Variants in TPR observed in about 807,000 individuals in gnomAD.
TPR encodes the protein translocated promoter region, nuclear basket protein, also known as nucleoprotein TPR.
TPR carries 51 observed loss-of-function variants against 316.1 expected under a neutral mutation model. The ratio of observed to expected loss-of-function variants is 0.16; its 90% CI spans 0.13 to 0.20. The LOEUF is 0.20. Ranked by LOEUF, TPR falls within the 10% of genes least tolerant of loss-of-function variation. TPR has a pLI of 1.00. For missense variants in TPR, 2,272 were observed against 2,754.8 expected (o/e 0.82, Z 3.92); for synonymous variants, 981 against 914.7 (o/e 1.07, Z -1.31).
intron 29 of TPR, among the ~76,000 whole-genome samples, chr1:186,340,411 C>A (rs1001148497): frequency 1.1e-4 from 16 of 151,770 alleles, no homozygotes; most frequent in African/African-American, 3.9e-4. Context: ...TTAATAAATT[C>A]AATAAATTAT....
Position 186,341,317 on chromosome 1 carries a change from T to A in TPR, c.3823A>T (p.Thr1275Ser). 6.2e-7 allele frequency: 1 copy of A among 1,614,000 alleles called. No homozygotes were observed. The change falls in exon 28 of 51, where the codon ACC becomes TCC. Residue 1275 changes from threonine (T) to serine (S), a missense_variant. By Grantham distance (58) the Thr-to-Ser change is moderately conservative. This residue lies in a region of TPR where 757 missense variants were observed against 859.8 expected (regional missense o/e 0.88). Transcript: ENST00000367478. Reference sequence around the variant, plus strand: ...TTCTCTTCTCTTAGCATTTTATTGGTCTCCATAACTACATTCATTGTTTCA... The same window carrying A: ...TTCTCTTCTCTTAGCATTTTATTGGACTCCATAACTACATTCATTGTTTCA... Reference protein sequence around the residue: ...KTETMNVVMETNKMLREEKER... With the variant: ...KTETMNVVMESNKMLREEKER...
At position 186,337,121 on chromosome 1, in the gene TPR, A is replaced by T. The variant is rs1354953510; in HGVS notation, c.4398T>A (p.His1466Gln). ...CCTGGACTGAAACATGCTGCTCCTGATGGTCTCCAGAGGACTGAGCCGATG... is the reference window on the plus strand; with the variant it reads ...CCTGGACTGAAACATGCTGCTCCTGTTGGTCTCCAGAGGACTGAGCCGATG... ...METSAQSSGD[H>Q]QEQHVSVQEM... is the part of the protein sequence containing the mutation. The change falls in exon 32 of 51, where the codon CAT (histidine) becomes CAA (glutamine). Residue 1466 changes from histidine to glutamine, a missense_variant. Transcript: ENST00000367478. 6.2e-7 allele frequency: 1 copy of T among 1,613,822 alleles called. No homozygotes were observed. Among genetic ancestry groups the T allele is most frequent in the East Asian group, 2.2e-5 (1 of 44,862 alleles).
In TPR at chr1:186,356,242, T is replaced by C. The variant is rs762951046; in HGVS notation, c.1888+44A>G. The C allele has an allele frequency of 4.8e-5, 72 of 1,509,850 alleles. 1 individual carries two copies. The highest frequency in any genetic ancestry group is 4.4e-4 in the Admixed American group (22 of 50,568). 93.5% of individuals were successfully genotyped at this position (1,509,850 alleles called of 1,614,324 possible). On this transcript the variant is annotated intron_variant, in intron 15 of 50. Coordinates refer to ENST00000367478, the MANE Select transcript of TPR (RefSeq NM_003292.3). ...ATGTTGCAAAATTAATCCCTTAATA[T>C]ACATTTCTAAATTATTCCTTAAAAT...
In TPR at chr1:186,358,747, C is replaced by G. The variant is rs557803630; in HGVS notation, c.1390-97G>C. The G allele has an allele frequency of 7.9e-6, 7 of 888,390 alleles. No homozygotes were observed. In the South Asian group the frequency reaches 9.4e-5, roughly 12 times the overall value. 55.0% of individuals were successfully genotyped at this position (888,390 alleles called of 1,614,324 possible). On this transcript the variant is annotated intron_variant, in intron 12 of 50. Coordinates refer to ENST00000367478, the MANE Select transcript of TPR (RefSeq NM_003292.3). ...ATACTCAAACACCACCAGTAATCAA[C>G]TTATACACTAAATAAAATCCTACAT...
At position 186,346,254 on chromosome 1, in the gene TPR, G is replaced by C. The variant is rs368340408; in HGVS notation, c.2977C>G (p.Arg993Gly). 6.2e-7 allele frequency: 1 copy of C among 1,611,984 alleles called. No homozygotes were observed. Among genetic ancestry groups the C allele is most frequent in the Admixed American group, 1.7e-5 (1 of 59,920 alleles). ...TGAAATTCAGCTGACTCTTTTAAACGAACTTCAATATTCTTACGCACTTCT... is the reference window on the plus strand; with the variant it reads ...TGAAATTCAGCTGACTCTTTTAAACCAACTTCAATATTCTTACGCACTTCT... ...TEEVRKNIEVRLKESAEFQTQ... is the reference protein window; with the variant it reads ...TEEVRKNIEVGLKESAEFQTQ... The change falls in exon 23 of 51, where the codon CGT (arginine) becomes GGT (glycine). Residue 993 changes from arginine (R) to glycine (G), a missense_variant. This residue lies in a region of TPR where 757 missense variants were observed against 859.8 expected (regional missense o/e 0.88). Coordinates refer to ENST00000367478, the MANE Select transcript of TPR (RefSeq NM_003292.3).
intron 27 of TPR, chr1:186,342,931 A>C (rs1178810514): frequency 6.4e-6 from 1 of 155,886 alleles, no homozygotes; most frequent in Non-Finnish European, 1.4e-5. Context: ...CACACGTATA[A>C]TCCATAACTA....
intron 43 of TPR, 129 bp from the exon 44 acceptor site, chr1:186,322,715 T>G (rs1657806363): frequency 1.1e-6 from 1 of 900,660 alleles, no homozygotes; most frequent in Non-Finnish European, 1.7e-6. Context: ...TTAGGACATT[T>G]TCCCAGGAAA....
intron 16 of TPR, 36 bp from the exon 17 acceptor site, chr1:186,355,594 T>C: frequency 1.2e-6 from 2 of 1,613,586 alleles, no homozygotes; most frequent in East Asian, 2.2e-5. Context: ...TAACACTGTG[T>C]TCTCTAAAAA....
rs779023468 is a variant in TPR, at chr1:186,356,330, C to T, written c.1844G>A (p.Arg615His). ...DSIVRQRDMYRILLSQTTGVA... is the reference protein window; with the variant it reads ...DSIVRQRDMYHILLSQTTGVA... ...TCCTGTTGTTTGTGACAATAAAATACGGTACATATCACGCTGACGAACTAT... is the reference window on the plus strand; with the variant it reads ...TCCTGTTGTTTGTGACAATAAAATATGGTACATATCACGCTGACGAACTAT... Residue 615 changes from arginine to histidine, a missense_variant, in exon 15 of 51, where the codon CGT becomes CAT. Arg to His is a conservative substitution (Grantham distance 29, BLOSUM62 0). Around this residue, in one of 10 missense-constraint regions of TPR, gnomAD observed 757 missense variants for 859.8 expected, o/e 0.88. Transcript: ENST00000367478. The T allele has an allele frequency of 1.2e-5, 19 of 1,611,846 alleles. No individual in the cohort carries two copies. Among genetic ancestry groups the T allele is most frequent in the African/African-American group, 4.0e-5 (3 of 74,868 alleles).
In TPR at chr1:186,337,136, C is replaced by G; in HGVS notation, c.4383G>C (p.Gln1461His). 6.2e-7 allele frequency: 1 copy of G among 1,613,750 alleles called. No individual in the cohort carries two copies. The part of the protein sequence containing the change: ...QQDKVMETSA[Q>H]SSGDHQEQHV... ...GCTGCTCCTGATGGTCTCCAGAGGA[C>G]TGAGCCGATGTCTCCATAACCTAAG... is the stretch of plus-strand genomic sequence containing the variant. Residue 1461 changes from glutamine to histidine, a missense_variant, in exon 32 of 51, where the codon CAG (glutamine) becomes CAC (histidine). Physicochemically the swap from Gln to His is conservative, Grantham distance 24. Coordinates refer to ENST00000367478, the MANE Select transcript of TPR (RefSeq NM_003292.3).
intron 5 of TPR, 57 bp from the exon 6 acceptor site, chr1:186,363,058 A>T (rs1368097823): frequency 1.3e-6 from 2 of 1,528,968 alleles, no homozygotes; most frequent in Non-Finnish European, 1.7e-6. Context: ...GATTATTCAA[A>T]AGATTTTGTC....
rs201040951 is a variant in TPR, at chr1:186,357,567, A to G, written c.1554T>C (p.Asp518=). Residue 518 remains aspartate (D), a synonymous_variant, in exon 14 of 51, where the codon GAT becomes GAC. Transcript: ENST00000367478. ...TTATATCAGCAGAGCTTACTTCCTCATCACGAATTACGTGGTTACCCCTTG... is the reference window on the plus strand; with the variant it reads ...TTATATCAGCAGAGCTTACTTCCTCGTCACGAATTACGTGGTTACCCCTTG... ...EEARGNHVIR[D]EEVSSADISS... is the part of the protein sequence containing the mutation. The G allele has an allele frequency of 2.0e-5, 33 of 1,613,996 alleles. No homozygotes were observed. Among genetic ancestry groups the G allele is most frequent in the Non-Finnish European group, 2.8e-5 (33 of 1,180,024 alleles).
At position 186,355,776 on chromosome 1, in the gene TPR, A is replaced by G; in HGVS notation, c.1889-8T>C. The stretch of plus-strand genomic sequence containing the variant: ...CATCATCTAAGCTTGAAGCTTCAGG[A>G]AAGTAAAGACTAATAAAATGCTTTG... On this transcript the variant is annotated splice_polypyrimidine_tract_variant and splice_region_variant and intron_variant, in intron 15 of 50. Transcript: ENST00000367478. The G allele has an allele frequency of 1.2e-6, 2 of 1,612,984 alleles. No individual in the cohort carries two copies. The highest frequency in any genetic ancestry group is 1.7e-6 in the Non-Finnish European group (2 of 1,179,746).
At chr1:186,324,057 T>C (rs1280047520) in intron 42 of TPR, among the ~76,000 whole-genome samples, 187 bp from the exon 43 acceptor site, 1 of 152,126 alleles carries the variant, frequency 6.6e-6, no homozygotes, top group African/African-American at 2.4e-5. Context: ...TGTGTACTTA[T>C]TCGCTGTGTG....
intron 38 of TPR, 142 bp downstream of exon 38, chr1:186,332,053 A>G: frequency 1.2e-6 from 1 of 816,238 alleles, no homozygotes; most frequent in Non-Finnish European, 1.8e-6. Flanking sequence ...TGTCAGTGGA[A>G]TCTTTGTAGA....
At chr1:186,317,384 A>C in intron 49 of TPR, 98 bp downstream of exon 49, 2 of 943,936 alleles carry the variant, frequency 2.1e-6, no homozygotes, top group East Asian at 2.4e-5. Context: ...TTTAAAATAC[A>C]GGAAAAAAGG....
Position 186,312,790 on chromosome 1 carries a change from A to T in TPR, c.*1181T>A, listed in dbSNP as rs1657371349. On this transcript the variant is annotated 3_prime_UTR_variant, in exon 51 of 51. Coordinates refer to ENST00000367478, the MANE Select transcript of TPR (RefSeq NM_003292.3). ...ACAGGTGTCCTTCATAATGAAGTTA[A>T]AGTGAGTATACTGTGGAGAGGACTT... 3.1e-6 allele frequency: 5 copies of T among 1,612,994 alleles called. No individual in the cohort carries two copies. The East Asian group carries it at 1.1e-4, about 36-fold the overall frequency.
At chr1:186,334,589 T>C in intron 35 of TPR, 56 bp from the exon 36 acceptor site, 1 of 1,548,118 alleles carries the variant, frequency 6.5e-7, no homozygotes, top group Non-Finnish European at 8.8e-7. Context: ...GCAAATACTT[T>C]TAAAAACACA....
intron 3 of TPR, among the ~76,000 whole-genome samples, 188 bp downstream of exon 3, chr1:186,370,782 A>G (rs1659499363): frequency 6.6e-6 from 1 of 152,146 alleles, no homozygotes. Context: ...AATAAAAGAG[A>G]TGTCCAATCT....
Sources: allele counts gnomAD v4.1 joint callset (sites outside exome capture counted in the v4.1 genomes callset), GRCh38; gene constraint gnomAD v4.1.1; regional missense constraint gnomAD v4.1.1; transcripts MANE v1.5; gene names NCBI Gene and HGNC (gene_info 2026-07-23, HGNC 2026-07-21).